The following NUBPL variants were observed in gnomAD, a reference collection of about 807,000 sequenced individuals.
NUBPL encodes NUBP iron-sulfur cluster assembly factor, mitochondrial, also known as iron-sulfur cluster transfer protein NUBPL.
NUBPL carries 31 observed loss-of-function variants against 45.7 expected under a neutral mutation model. The ratio of observed to expected loss-of-function variants is 0.68; its 90% CI spans 0.51 to 0.92. The LOEUF is 0.92. NUBPL is among the 40% of genes least tolerant of loss of function. NUBPL has a pLI of 0.00. For synonymous variants in NUBPL, 144 were observed against 140.9 expected (o/e 1.02, Z -0.15); for missense variants, 401 against 398.7 (o/e 1.01, Z -0.05).
intron 7 of NUBPL, among the ~76,000 whole-genome samples, chr14:31,819,597 C>T (rs2039980606): frequency 6.6e-6 from 1 of 152,160 alleles, no homozygotes; most frequent in African/African-American, 2.4e-5. Context: ...TTTAACTACT[C>T]TGAACTCTGA....
chr14:31,745,249 T>G (rs1285662820), intron 6 of NUBPL, among the ~76,000 whole-genome samples: 1 of 152,018 alleles, frequency 6.6e-6, no homozygotes, highest in Non-Finnish European at 1.5e-5. Context: ...CCCCTTCCTG[T>G]GTCCAAATGT....
At chr14:31,761,916 T>G (rs552136322) in intron 6 of NUBPL, among the ~76,000 whole-genome samples, 1 of 152,302 alleles carries the variant, frequency 6.6e-6, no homozygotes, top group East Asian at 1.9e-4. Context: ...GTACATGAGC[T>G]AAGTGAGACA....
intron 6 of NUBPL, among the ~76,000 whole-genome samples, chr14:31,701,501 T>C (rs1211109648): frequency 1.3e-5 from 2 of 152,244 alleles, no homozygotes; most frequent in African/African-American, 2.4e-5. Flanking sequence ...GGAAGCTTTG[T>C]TCTTTCGCTC....
At chr14:31,636,865 A>G (rs1018244077) in intron 4 of NUBPL, among the ~76,000 whole-genome samples, 1 of 152,152 alleles carries the variant, frequency 6.6e-6, no homozygotes, top group African/African-American at 2.4e-5. Flanking sequence ...TAGATTTTCT[A>G]GTTTATTTGC....
intron 6 of NUBPL, among the ~76,000 whole-genome samples, chr14:31,706,153 TC>T (rs1193458459): frequency 3.2e-5 from 4 of 124,886 alleles, no homozygotes; most frequent in Non-Finnish European, 7.7e-5. Context: ...CACCTCTCAA[TC>T]CCCCCTCTAA....
At chr14:31,619,513 G>T (rs1345377883) in intron 4 of NUBPL, among the ~76,000 whole-genome samples, 1 of 152,138 alleles carries the variant, frequency 6.6e-6, no homozygotes, top group Non-Finnish European at 1.5e-5. Context: ...TTGCCTATTT[G>T]TAAAGGATTT....
intron 6 of NUBPL, among the ~76,000 whole-genome samples, chr14:31,774,528 G>T (rs1380066904): frequency 1.3e-5 from 2 of 152,154 alleles, no homozygotes; most frequent in Non-Finnish European, 2.9e-5. Flanking sequence ...AAAAGATAGA[G>T]ACCCGAGTTC....
At chr14:31,825,654 T>TTCC (rs1555341854) in intron 7 of NUBPL, among the ~76,000 whole-genome samples, 1,504 of 103,298 alleles carry the variant, frequency 0.015, 27 homozygotes, top group African/African-American at 0.064. Context: ...CTCCTTTCCT[T>TTCC]TTTCCTTTTC....
intron 7 of NUBPL, among the ~76,000 whole-genome samples, chr14:31,790,444 A>G (rs1267990161): frequency 3.3e-5 from 5 of 152,142 alleles, no homozygotes; most frequent in Non-Finnish European, 7.3e-5. Flanking sequence ...TGGTGGTGAA[A>G]TGTGCAGAGC....
intron 7 of NUBPL, among the ~76,000 whole-genome samples, chr14:31,810,925 A>T (rs11156711): frequency 1 from 151,906 of 152,330 alleles, 75,744 homozygotes; most frequent in Middle Eastern, 1. Context: ...TTCTTTTCTT[A>T]AAGAATGTTG....
intron 4 of NUBPL, among the ~76,000 whole-genome samples, chr14:31,668,344 G>A (rs966836609): frequency 1.3e-5 from 2 of 152,178 alleles, no homozygotes; most frequent in African/African-American, 4.8e-5. Context: ...CTTCCTGGTG[G>A]CTTCCTTAAT....
chr14:31,653,627 C>G (rs1204568057), intron 4 of NUBPL, among the ~76,000 whole-genome samples: 2 of 152,138 alleles, frequency 1.3e-5, no homozygotes, highest in African/African-American at 4.8e-5. Flanking sequence ...GCACTGATTT[C>G]GTATTGTTCA....
At chr14:31,694,986 T>A (rs1321373206) in intron 6 of NUBPL, among the ~76,000 whole-genome samples, 2 of 152,218 alleles carry the variant, frequency 1.3e-5, no homozygotes, top group Non-Finnish European at 2.9e-5. Context: ...GCTAGAAGTT[T>A]TGATGATTTA....
chr14:31,840,859 C>A (rs10148852), intron 8 of NUBPL, among the ~76,000 whole-genome samples: 62,738 of 151,998 alleles, frequency 0.41, 13,569 homozygotes, highest in South Asian at 0.54. Context: ...GTGCCACCTT[C>A]TAGTCACTAC....
intron 8 of NUBPL, among the ~76,000 whole-genome samples, chr14:31,840,230 T>TAC (rs367709874): frequency 2.6e-5 from 4 of 151,870 alleles, no homozygotes; most frequent in South Asian, 2.1e-4. Flanking sequence ...TAAAAATGTG[T>TAC]ACACACACAC....
intron 4 of NUBPL, among the ~76,000 whole-genome samples, chr14:31,611,611 A>G (rs1466159072): frequency 6.6e-6 from 1 of 152,230 alleles, no homozygotes; most frequent in African/African-American, 2.4e-5. Flanking sequence ...CAGAATAGCC[A>G]AAGCTAATCT....
intron 4 of NUBPL, among the ~76,000 whole-genome samples, chr14:31,615,225 C>T (rs943459561): frequency 6.6e-6 from 1 of 152,146 alleles, no homozygotes; most frequent in African/African-American, 2.4e-5. Context: ...CTTGCTTCCA[C>T]TTTGCCTTCC....
At chr14:31,604,797 A>T (rs1271784154) in intron 4 of NUBPL, among the ~76,000 whole-genome samples, 1 of 152,206 alleles carries the variant, frequency 6.6e-6, no homozygotes, top group African/African-American at 2.4e-5. Context: ...GTTCGATTTT[A>T]AAAAAGTGAA....
At chr14:31,709,701 G>A (rs1048600746) in intron 6 of NUBPL, among the ~76,000 whole-genome samples, 19 of 152,178 alleles carry the variant, frequency 1.2e-4, no homozygotes, top group Non-Finnish European at 2.4e-4. Flanking sequence ...GCCTTGATCT[G>A]CTTTAAATCA....
Sources: allele counts gnomAD v4.1 joint callset (sites outside exome capture counted in the v4.1 genomes callset), GRCh38; gene constraint gnomAD v4.1.1; transcripts MANE v1.5; gene names NCBI Gene and HGNC (gene_info 2026-07-23, HGNC 2026-07-21).